ALK: variants seen among roughly 807,000 people sequenced by gnomAD.
ALK encodes the protein ALK receptor tyrosine kinase, also known as ALK tyrosine kinase receptor.
In ALK, 74 loss-of-function variants were observed where a neutral mutation model predicts 163.1. The observed-to-expected ratio is 0.45, with a 90% CI of 0.38 to 0.55. The LOEUF is 0.55. Among genes scored for constraint, ALK ranks in the 20% least tolerant of loss-of-function variants. ALK has a pLI of 0.00. For synonymous variants in ALK, 960 were observed against 843.2 expected (o/e 1.14, Z -2.40); for missense variants, 2,063 against 2,105.3 (o/e 0.98, Z 0.39).
chr2:29,844,463 T>C (rs1665787567), intron 1 of ALK, among the ~76,000 whole-genome samples: 1 of 152,126 alleles, frequency 6.6e-6, no homozygotes, highest in Non-Finnish European at 1.5e-5. Flanking sequence ...ATTAACCATA[T>C]CACACATAAG....
intron 3 of ALK, among the ~76,000 whole-genome samples, chr2:29,609,568 A>C (rs1453332034): frequency 6.6e-6 from 1 of 152,196 alleles, no homozygotes; most frequent in Non-Finnish European, 1.5e-5. Context: ...TGTTGCACCA[A>C]TGCAGTGATC....
At chr2:29,580,682 C>T (rs865806824) in intron 3 of ALK, among the ~76,000 whole-genome samples, 16 of 152,196 alleles carry the variant, frequency 1.1e-4, no homozygotes, top group African/African-American at 3.6e-4. Flanking sequence ...TTCTAAATTA[C>T]GCTAAACAGA....
chr2:29,819,603 A>G (rs1664990862), intron 1 of ALK, among the ~76,000 whole-genome samples: 1 of 152,252 alleles, frequency 6.6e-6, no homozygotes, highest in Non-Finnish European at 1.5e-5. Flanking sequence ...CATTGCCATA[A>G]AAAGTTTCTT....
chr2:29,214,946 G>A (rs1669561459), intron 23 of ALK, among the ~76,000 whole-genome samples: 1 of 152,196 alleles, frequency 6.6e-6, no homozygotes, highest in African/African-American at 2.4e-5. Flanking sequence ...GACACACACT[G>A]GGGGTTCAGT....
intron 1 of ALK, among the ~76,000 whole-genome samples, chr2:29,917,051 T>C (rs1399914340): frequency 6.6e-6 from 1 of 152,226 alleles, no homozygotes; most frequent in Non-Finnish European, 1.5e-5. Flanking sequence ...CTCAGACATC[T>C]TTCTGTCCTC....
chr2:29,534,572 G>A (rs1007025582), intron 3 of ALK, among the ~76,000 whole-genome samples: 1 of 152,198 alleles, frequency 6.6e-6, no homozygotes, highest in African/African-American at 2.4e-5. Flanking sequence ...GATGTTCTCA[G>A]GTTGGCAGAA....
chr2:29,482,030 C>T (rs1163037427), intron 4 of ALK, among the ~76,000 whole-genome samples: 1 of 152,156 alleles, frequency 6.6e-6, no homozygotes, highest in East Asian at 1.9e-4. Context: ...TGTGGCTGTC[C>T]CTTCTTGCCT....
chr2:29,289,647 C>T (rs34014825), intron 9 of ALK, among the ~76,000 whole-genome samples: 7,418 of 152,250 alleles, frequency 0.049, 206 homozygotes, highest in South Asian at 0.092. Flanking sequence ...TTCAACTCCC[C>T]TCGCGAGAGG....
chr2:29,888,405 A>C (rs13026132), intron 1 of ALK, among the ~76,000 whole-genome samples: 42,653 of 152,072 alleles, frequency 0.28, 6,341 homozygotes, highest in Non-Finnish European at 0.33. Context: ...GGTGATGTCT[A>C]GATTAATTAT....
chr2:29,375,596 T>C (rs1257157751), intron 5 of ALK, among the ~76,000 whole-genome samples: 4 of 152,078 alleles, frequency 2.6e-5, no homozygotes, highest in Non-Finnish European at 5.9e-5. Flanking sequence ...GGATTACAGG[T>C]GTGAGCCACT....
chr2:29,265,461 G>A (rs1291748274), intron 11 of ALK, among the ~76,000 whole-genome samples: 1 of 152,182 alleles, frequency 6.6e-6, no homozygotes. Flanking sequence ...CAGCTGAGGG[G>A]AAAGAAATAG....
rs539219341 is a variant in ALK, at chr2:29,284,724, C to G, written c.1818-9228G>C. Reference sequence around the variant, plus strand: ...AAATAAGATTTAAAGCTCAGAATTGCTAATCTACTCCTTGCTCCAATGATC... The same window carrying G: ...AAATAAGATTTAAAGCTCAGAATTGGTAATCTACTCCTTGCTCCAATGATC... On this transcript the variant is annotated intron_variant, in intron 9 of 28. Transcript: ENST00000389048. Among the ~76,000 whole-genome samples the G allele has an allele frequency of 3.3e-5, 5 of 152,296 alleles. No homozygotes were observed. In the South Asian group the frequency reaches 1.0e-3, roughly 32 times the overall value.
chr2:29,390,703 C>T (rs900764844), intron 4 of ALK, among the ~76,000 whole-genome samples: 1 of 152,090 alleles, frequency 6.6e-6, no homozygotes, highest in Non-Finnish European at 1.5e-5. Context: ...AACCATTCAG[C>T]ACAATTTTTT....
intron 5 of ALK, among the ~76,000 whole-genome samples, chr2:29,370,448 C>A (rs1302468875): frequency 6.6e-6 from 1 of 152,204 alleles, no homozygotes; most frequent in Non-Finnish European, 1.5e-5. Context: ...CCTGACCTTA[C>A]ACTTGGGCTG....
chr2:29,398,094 C>G lies in ALK; in HGVS notation c.1155-14235G>C, dbSNP rs569838875. The stretch of plus-strand genomic sequence containing the variant: ...TGTGACCTGGAACTTTTAAGGGATG[C>G]TGAGCCTGCATGAGAGGCAGGGGCA... On this transcript the variant is annotated intron_variant, in intron 4 of 28. Coordinates refer to ENST00000389048, the MANE Select transcript of ALK (RefSeq NM_004304.5). 2.2e-4 allele frequency among the ~76,000 whole-genome samples: 34 copies of G among 152,258 alleles called. 1 individual carries two copies. The South Asian group carries it at 6.0e-3, about 27-fold the overall frequency.
intron 1 of ALK, among the ~76,000 whole-genome samples, chr2:29,823,339 C>A (rs750231150): frequency 6.6e-6 from 1 of 152,052 alleles, no homozygotes; most frequent in Non-Finnish European, 1.5e-5. Context: ...AAATTGGTAC[C>A]AGTAGAGTGG....
intron 3 of ALK, among the ~76,000 whole-genome samples, chr2:29,637,961 T>C (rs1409019974): frequency 2.0e-5 from 3 of 152,118 alleles, no homozygotes; most frequent in East Asian, 1.9e-4. Context: ...TTAAACCCGA[T>C]ACAGAATTTT....
chr2:29,729,081 C>A (rs1679659324), intron 1 of ALK, among the ~76,000 whole-genome samples: 2 of 152,202 alleles, frequency 1.3e-5, no homozygotes, highest in African/African-American at 2.4e-5. Context: ...GGCCAACTTT[C>A]CTGCAGGGAA....
chr2:29,858,508 G>C (rs539549375), intron 1 of ALK, among the ~76,000 whole-genome samples: 2 of 151,514 alleles, frequency 1.3e-5, no homozygotes, highest in South Asian at 4.2e-4. Flanking sequence ...CAAATCAAGA[G>C]GATCATCTGA....
Sources: gnomAD v4.1 joint callset for allele counts (sites outside exome capture counted in the v4.1 genomes callset) on GRCh38, gnomAD v4.1.1 for gene constraint, MANE v1.5 for transcripts, NCBI Gene and HGNC (gene_info 2026-07-23, HGNC 2026-07-21) for gene names.